CTNNA2: variants seen among roughly 807,000 people sequenced by gnomAD.
CTNNA2 encodes catenin alpha 2.
Under a neutral mutation model 101.0 loss-of-function variants are expected in CTNNA2, and 42 were observed. That is an observed-to-expected ratio of 0.42 (90% CI 0.32 to 0.54). The LOEUF (loss-of-function observed/expected upper bound fraction) is 0.54. CTNNA2 is among the 20% of genes least tolerant of loss of function. The pLI, the probability that CTNNA2 is intolerant of heterozygous loss-of-function variation, is 0.14. For synonymous variants in CTNNA2, 450 were observed against 456.4 expected (o/e 0.99, Z 0.18); for missense variants, 871 against 1,223.1 (o/e 0.71, Z 4.29).
intron 7 of CTNNA2, among the ~76,000 whole-genome samples, chr2:80,129,490 T>A (rs1366076646): frequency 6.6e-6 from 1 of 152,132 alleles, no homozygotes; most frequent in Non-Finnish European, 1.5e-5. Context: ...CTCAGCCCTA[T>A]GTTGGAATCC....
intron 2 of CTNNA2, among the ~76,000 whole-genome samples, chr2:79,200,450 GA>G: frequency 6.6e-6 from 1 of 151,470 alleles, no homozygotes; most frequent in Admixed American, 6.6e-5. Flanking sequence ...CTTAAGATCT[GA>G]AACAAACTTG....
chr2:79,335,494 T>C (rs1263330373), intron 3 of CTNNA2, among the ~76,000 whole-genome samples: 1 of 152,234 alleles, frequency 6.6e-6, no homozygotes, highest in Non-Finnish European at 1.5e-5. Context: ...TTGTGTGTTC[T>C]AATGAGAAAC....
intron 2 of CTNNA2, among the ~76,000 whole-genome samples, chr2:79,723,131 A>G (rs1172348951): frequency 1.3e-5 from 2 of 151,972 alleles, no homozygotes; most frequent in Non-Finnish European, 2.9e-5. Context: ...CTAAGAAACA[A>G]GCAGTTAGGT....
chr2:80,518,336 T>C (rs1689262476), intron 9 of CTNNA2, among the ~76,000 whole-genome samples: 1 of 152,170 alleles, frequency 6.6e-6, no homozygotes, highest in Non-Finnish European at 1.5e-5. Flanking sequence ...AGTTCTCCCC[T>C]TCTTCCTACA....
chr2:79,765,029 A>G (rs577518911), intron 3 of CTNNA2, among the ~76,000 whole-genome samples: 1 of 152,342 alleles, frequency 6.6e-6, no homozygotes, highest in African/African-American at 2.4e-5. Flanking sequence ...ATGGAACTTA[A>G]GGATCAGAGC....
At chr2:79,424,775 A>G (rs373344237) in intron 4 of CTNNA2, among the ~76,000 whole-genome samples, 22 of 152,182 alleles carry the variant, frequency 1.4e-4, no homozygotes, top group Non-Finnish European at 3.2e-4. Context: ...GTGGGTCAAA[A>G]GATATAAAAC....
intron 7 of CTNNA2, among the ~76,000 whole-genome samples, chr2:80,275,382 A>G (rs1344125801): frequency 2.6e-5 from 4 of 152,314 alleles, no homozygotes; most frequent in Admixed American, 6.5e-5. Flanking sequence ...AAGTCATTCA[A>G]TTACCATTTG....
chr2:79,982,325 AC>A lies in CTNNA2; in HGVS notation c.1056+72529del, dbSNP rs1172573159. Among the ~76,000 whole-genome samples the A allele has an allele frequency of 5.3e-3, 732 of 137,000 alleles. 12 individuals are homozygous for A. The highest frequency in any genetic ancestry group is 0.019 in the African/African-American group (652 of 34,664). The allele number at this position is 137,000 out of a possible 152,430, so 89.9% of individuals were successfully genotyped here. ...ATATAAAACATATATAACATATATAACACACATATAAAACATATATAACCTA... is the reference window on the plus strand; with the variant it reads ...ATATAAAACATATATAACATATATAAACACATATAAAACATATATAACCTA... On this transcript the variant is annotated intron_variant, in intron 7 of 18. Coordinates refer to ENST00000402739, the MANE Select transcript of CTNNA2 (RefSeq NM_001282597.3).
intron 1 of CTNNA2, among the ~76,000 whole-genome samples, chr2:79,601,587 A>T (rs1218671651): frequency 9.2e-5 from 14 of 152,254 alleles, no homozygotes. Flanking sequence ...TTGGAAAAAG[A>T]ATATCTGGTT....
chr2:79,389,305 C>T (rs1258163452), intron 4 of CTNNA2, among the ~76,000 whole-genome samples: 1 of 152,114 alleles, frequency 6.6e-6, no homozygotes, highest in Non-Finnish European at 1.5e-5. Context: ...TTTGATTGAT[C>T]TAGGGCTGTT....
intron 4 of CTNNA2, among the ~76,000 whole-genome samples, chr2:79,376,425 T>C (rs1005231806): frequency 1.3e-5 from 2 of 150,874 alleles, no homozygotes; most frequent in Admixed American, 6.7e-5. Context: ...ATGTTGAGTA[T>C]AGCCAAAATA....
At chr2:80,147,829 G>A (rs1703445749) in intron 7 of CTNNA2, among the ~76,000 whole-genome samples, 1 of 152,020 alleles carries the variant, frequency 6.6e-6, no homozygotes, top group East Asian at 1.9e-4. Context: ...CAGTACTGTG[G>A]TTCCTTAGAG....
chr2:79,756,049 AT>A (rs753153380), intron 3 of CTNNA2, among the ~76,000 whole-genome samples: 21,796 of 152,148 alleles, frequency 0.14, 1,652 homozygotes, highest in Middle Eastern at 0.22. Context: ...CAAAGTTTGC[AT>A]TAGCTGAGGG....
chr2:79,865,729 A>G (rs1201500276), intron 4 of CTNNA2, among the ~76,000 whole-genome samples: 3 of 152,136 alleles, frequency 2.0e-5, no homozygotes, highest in African/African-American at 4.8e-5. Flanking sequence ...TTATTTGTTT[A>G]TTTATTTTGA....
At chr2:79,339,902 A>G (rs1002808397) in intron 3 of CTNNA2, 1 of 152,226 alleles carries the variant, frequency 6.6e-6, no homozygotes, top group Non-Finnish European at 1.5e-5. Flanking sequence ...TGTTTCAAAT[A>G]AGATGTTTTC....
At chr2:79,529,380 G>T (rs1015958911) in intron 1 of CTNNA2, among the ~76,000 whole-genome samples, 1 of 152,136 alleles carries the variant, frequency 6.6e-6, no homozygotes, top group Non-Finnish European at 1.5e-5. Context: ...TGGTGTTGAT[G>T]ATGTAAAATA....
At chr2:79,587,536 C>T (rs938717322) in intron 1 of CTNNA2, among the ~76,000 whole-genome samples, 2 of 152,162 alleles carry the variant, frequency 1.3e-5, no homozygotes, top group Non-Finnish European at 2.9e-5. Flanking sequence ...TCACTTCTCT[C>T]GCTCTTTTCC....
rs1700056859 is a variant in CTNNA2, at chr2:80,095,047, A to T, written c.1056+185250A>T. Among the ~76,000 whole-genome samples the T allele has an allele frequency of 2.0e-5, 3 of 152,160 alleles. No homozygotes were observed. In the South Asian group the frequency reaches 6.2e-4, roughly 31 times the overall value. On this transcript the variant is annotated intron_variant, in intron 7 of 18. Coordinates refer to ENST00000402739, the MANE Select transcript of CTNNA2 (RefSeq NM_001282597.3). Reference sequence around the variant, plus strand: ...CAGAACTTCCAACACTATGTTGAATAGGAGTGGTGAGAGAGGGCTTCCCTG... The same window carrying T: ...CAGAACTTCCAACACTATGTTGAATTGGAGTGGTGAGAGAGGGCTTCCCTG...
At chr2:80,308,061 C>A (rs570167704) in intron 7 of CTNNA2, among the ~76,000 whole-genome samples, 1 of 151,746 alleles carries the variant, frequency 6.6e-6, no homozygotes, top group Non-Finnish European at 1.5e-5. Flanking sequence ...TTAATTCCTT[C>A]TCTCTTCAAC....
Sources: gnomAD v4.1 joint callset for allele counts (sites outside exome capture counted in the v4.1 genomes callset) on GRCh38, gnomAD v4.1.1 for gene constraint, MANE v1.5 for transcripts, NCBI Gene and HGNC (gene_info 2026-07-23, HGNC 2026-07-21) for gene names.